USP7: variants seen among roughly 807,000 people sequenced by gnomAD.
USP7 encodes the protein ubiquitin C-terminal hydrolase 7.
A neutral mutation model predicts 162.9 loss-of-function variants in USP7; 9 were observed. The observed-to-expected ratio is 0.06, with a 90% confidence interval of 0.03 to 0.10. The LOEUF (loss-of-function observed/expected upper bound fraction) is 0.10, where lower values mean the gene tolerates loss of function less well. Ranked by LOEUF, USP7 falls within the 10% of genes least tolerant of loss-of-function variation. The pLI, the probability that USP7 is intolerant of heterozygous loss-of-function variation, is 1.00. For synonymous variants in USP7, 562 were observed against 475.9 expected, an observed-to-expected ratio of 1.18 and a Z score of -2.35; for missense variants, 715 against 1,373.7, an observed-to-expected ratio of 0.52 and a Z score of 7.58.
intron 1 of USP7, among the ~76,000 whole-genome samples, chr16:8,935,035 G>A (rs1567236247): frequency 6.6e-6 from 1 of 152,184 alleles, no homozygotes; most frequent in African/African-American, 2.4e-5. Context: ...TAGCCTAAAC[G>A]ATAAGGCTGC....
chr16:8,952,320 G>A (rs984079991), intron 1 of USP7, among the ~76,000 whole-genome samples: 2 of 152,140 alleles, frequency 1.3e-5, no homozygotes, highest in Non-Finnish European at 2.9e-5. Context: ...TGGTGAAGCC[G>A]GACCACATGT....
rs527985111 is a variant in USP7, at chr16:8,948,787, C to T, written c.79+14420G>A. ...AACAAGCATGGAAAACACAGCGAAA[C>T]CCCGTCTCTAGAAAAAAAATACAAA... On this transcript the variant is annotated intron_variant, in intron 1 of 30. Coordinates refer to ENST00000344836, the MANE Select transcript of USP7 (RefSeq NM_003470.3). Among the ~76,000 whole-genome samples the T allele has an allele frequency of 5.3e-5, 8 of 152,252 alleles. No individual in the cohort carries two copies. In the East Asian group the frequency reaches 1.3e-3, roughly 26 times the overall value.
intron 1 of USP7, among the ~76,000 whole-genome samples, chr16:8,946,149 T>C (rs1899264965): frequency 6.6e-6 from 1 of 152,092 alleles, no homozygotes; most frequent in African/African-American, 2.4e-5. Flanking sequence ...ACCTCACACC[T>C]TATACAAAAG....
At chr16:8,904,707 C>A in intron 14 of USP7, 142 bp from the exon 15 acceptor site, 1 of 1,252,900 alleles carries the variant, frequency 8.0e-7, no homozygotes, top group Non-Finnish European at 1.1e-6. Flanking sequence ...CTTTGGGAGG[C>A]TGAGGCGGGC....
intron 1 of USP7, among the ~76,000 whole-genome samples, chr16:8,953,451 G>C (rs549763293): frequency 1.3e-5 from 2 of 152,182 alleles, no homozygotes; most frequent in Non-Finnish European, 2.9e-5. Flanking sequence ...TCTGAGGTAC[G>C]ATCCAAGGGG....
At chr16:8,906,356 A>G in intron 13 of USP7, 70 bp downstream of exon 13, 1 of 1,550,230 alleles carries the variant, frequency 6.5e-7, no homozygotes, top group Non-Finnish European at 8.7e-7. Flanking sequence ...TAGGAACCAG[A>G]ACAGGCTGAA....
chr16:8,946,424 A>G (rs529749053), intron 1 of USP7, among the ~76,000 whole-genome samples: 1 of 152,166 alleles, frequency 6.6e-6, no homozygotes, highest in Admixed American at 6.6e-5. Context: ...CTAAATAAAG[A>G]AAAAAACTGT....
intron 2 of USP7, chr16:8,929,478 G>C: frequency 2.2e-6 from 1 of 456,074 alleles, no homozygotes; most frequent in Non-Finnish European, 4.4e-6. Context: ...CAGGAGGTCT[G>C]AACAGCAGTC....
chr16:8,910,341 T>G lies in USP7; in HGVS notation c.1161+404A>C, dbSNP rs1337576513. On this transcript the variant is annotated intron_variant, in intron 11 of 30. Coordinates refer to ENST00000344836, the MANE Select transcript of USP7 (RefSeq NM_003470.3). ...CACACTACTCATTCTAAAGTCGTGA[T>G]CCTCAGAAAACTAAATTCATTAAAA... is the stretch of plus-strand genomic sequence containing the variant. Among the ~76,000 whole-genome samples the G allele has an allele frequency of 3.3e-5, 5 of 152,258 alleles. No individual in the cohort carries two copies. The East Asian group carries it at 9.6e-4, about 29-fold the overall frequency.
chr16:8,963,377 G>T lies in USP7; in HGVS notation c.-92C>A. 1 of 289,190 alleles carries T rather than the reference G, an allele frequency of 3.5e-6. No individual in the cohort carries two copies. The highest frequency in any genetic ancestry group is 1.2e-4 in the South Asian group (1 of 8,202). The allele number at this position is 289,190 out of a possible 1,614,324, so 17.9% of individuals were successfully genotyped here. A position where few individuals can be genotyped will look rare whatever the true frequency, so the allele number is the denominator to read the frequency against. On this transcript the variant is annotated 5_prime_UTR_variant, in exon 1 of 31. Coordinates refer to ENST00000344836, the MANE Select transcript of USP7 (RefSeq NM_003470.3). Reference sequence around the variant, plus strand: ...GGCGAGCCGGGGCGGCGGCGGCGGCGGCGGCGGCGGGGCGGCCTCCTCCTC... The same window carrying T: ...GGCGAGCCGGGGCGGCGGCGGCGGCTGCGGCGGCGGGGCGGCCTCCTCCTC...
At position 8,903,178 on chromosome 16, in the gene USP7, C is replaced by A. The variant is rs2061804720; in HGVS notation, c.1839+90G>T. The A allele has an allele frequency of 2.6e-6, 4 of 1,518,380 alleles. No homozygotes were observed. In the East Asian group the frequency reaches 9.2e-5, roughly 35 times the overall value. 94.1% of individuals were successfully genotyped at this position (1,518,380 alleles called of 1,614,324 possible). On this transcript the variant is annotated intron_variant, in intron 16 of 30. Transcript: ENST00000344836. ...GGCAGTGGCTGGACACAGCACCTAC[C>A]CCCAAAGGCAATCAGTATTTTCTAG...
At chr16:8,923,111 A>T in intron 3 of USP7, 104 bp downstream of exon 3, 1 of 561,632 alleles carries the variant, frequency 1.8e-6, no homozygotes, top group Non-Finnish European at 2.7e-6. Flanking sequence ...CACGTATTTA[A>T]TCTAATTTAA....
chr16:8,920,683 T>G (rs2141210539), intron 4 of USP7, among the ~76,000 whole-genome samples: 1 of 152,322 alleles, frequency 6.6e-6, no homozygotes, highest in Admixed American at 6.5e-5. Context: ...AGGGGCTCAG[T>G]GCCACAGCAT....
At chr16:8,913,547 A>G (rs961597435) in intron 10 of USP7, among the ~76,000 whole-genome samples, 1 of 152,144 alleles carries the variant, frequency 6.6e-6, no homozygotes, top group African/African-American at 2.4e-5. Flanking sequence ...CTGCCAACCT[A>G]GAAGTCTACA....
intron 1 of USP7, among the ~76,000 whole-genome samples, chr16:8,942,925 A>G (rs1466118778): frequency 6.6e-6 from 1 of 152,130 alleles, no homozygotes; most frequent in Non-Finnish European, 1.5e-5. Flanking sequence ...TTTCCAGGGG[A>G]CAGTCCTGTC....
At chr16:8,936,516 A>G in intron 1 of USP7, 1 of 1,427,844 alleles carries the variant, frequency 7.0e-7, no homozygotes, top group South Asian at 1.5e-5. Context: ...TTTGGCTGAG[A>G]CATGTCAGTA....
chr16:8,928,149 T>A (rs1199645754), intron 2 of USP7, among the ~76,000 whole-genome samples: 3 of 152,242 alleles, frequency 2.0e-5, no homozygotes, highest in Non-Finnish European at 2.9e-5. Flanking sequence ...ACTATACATG[T>A]CTCCCATCTC....
chr16:8,949,449 A>G (rs756598413), intron 1 of USP7: 2 of 152,268 alleles, frequency 1.3e-5, no homozygotes, highest in African/African-American at 2.4e-5. Flanking sequence ...GAAGAAAAGC[A>G]AAGTAACACA....
intron 1 of USP7, among the ~76,000 whole-genome samples, chr16:8,943,747 T>C (rs140495897): frequency 3.3e-5 from 5 of 152,204 alleles, no homozygotes; most frequent in Admixed American, 6.5e-5. Flanking sequence ...AATCAAAATG[T>C]TGAATGTCCT....
Sources: gnomAD v4.1 joint callset for allele counts (sites outside exome capture counted in the v4.1 genomes callset) on GRCh38, gnomAD v4.1.1 for gene constraint, MANE v1.5 for transcripts, NCBI Gene and HGNC (gene_info 2026-07-23, HGNC 2026-07-21) for gene names.